ATP11C: variants seen among roughly 807,000 people sequenced by gnomAD.
The protein encoded by ATP11C is ATPase phospholipid transporting 11C (ATP11C blood group).
Under a neutral mutation model 97.4 loss-of-function variants are expected in ATP11C, and 36 were observed. That is an observed-to-expected ratio of 0.37 (90% CI 0.28 to 0.49). The LOEUF (loss-of-function observed/expected upper bound fraction) is 0.49. ATP11C is among the 20% of genes least tolerant of loss of function. The pLI is 0.98. For missense variants in ATP11C, 730 were observed against 824.6 expected (o/e 0.89, Z 1.40); for synonymous variants, 275 against 290.9 (o/e 0.95, Z 0.56).
intron 3 of ATP11C, among the ~76,000 whole-genome samples, chrX:139,818,667 T>C (rs1464012104): frequency 8.9e-6 from 1 of 112,066 alleles, no homozygotes; most frequent in Non-Finnish European, 1.9e-5. Flanking sequence ...GCACTTAACA[T>C]CAACAGGGCA....
At chrX:139,908,529 T>C (rs1158562958) in intron 1 of ATP11C, among the ~76,000 whole-genome samples, 2 of 112,401 alleles carry the variant, frequency 1.8e-5, no homozygotes, top group East Asian at 5.5e-4. Flanking sequence ...ATATAGTGCC[T>C]AGCTGGTTAT....
intron 26 of ATP11C, among the ~76,000 whole-genome samples, chrX:139,742,991 C>A (rs1046961387): frequency 7.5e-5 from 8 of 106,740 alleles, no homozygotes; most frequent in Non-Finnish European, 1.3e-4. Flanking sequence ...CCACCTTGGT[C>A]TCCCAAAGTG....
intron 11 of ATP11C, 35 bp from the exon 12 acceptor site, chrX:139,796,505 A>C: frequency 3.3e-6 from 3 of 915,945 alleles, no homozygotes; most frequent in Non-Finnish European, 4.7e-6. Flanking sequence ...CTAATTAGAC[A>C]TACAATTTCA....
chrX:139,732,585 CCA>C, intron 28 of ATP11C: 10 of 158,549 alleles, frequency 6.3e-5, no homozygotes, highest in South Asian at 9.7e-5. Flanking sequence ...AATGCAGAAA[CCA>C]AAAAAAAAAA....
chrX:139,860,104 C>CAAA (rs1245214221), intron 1 of ATP11C, among the ~76,000 whole-genome samples: 16 of 20,319 alleles, frequency 7.9e-4, no homozygotes, highest in Admixed American at 2.1e-3. Flanking sequence ...GACTCCGTCT[C>CAAA]AAAAAAAAAA....
At chrX:139,790,052 T>A (rs1412411057) in intron 12 of ATP11C, among the ~76,000 whole-genome samples, 2 of 109,635 alleles carry the variant, frequency 1.8e-5, no homozygotes, top group Non-Finnish European at 3.8e-5. Flanking sequence ...AAAAAGTGAC[T>A]ATTTTATCAA....
At chrX:139,851,880 G>C (rs977229051) in intron 1 of ATP11C, among the ~76,000 whole-genome samples, 1 of 112,111 alleles carries the variant, frequency 8.9e-6, no homozygotes, top group African/African-American at 3.2e-5. Flanking sequence ...TCTAACCTAT[G>C]CTATTTTGAT....
intron 20 of ATP11C, among the ~76,000 whole-genome samples, chrX:139,766,827 C>T (rs2082148251): frequency 8.9e-6 from 1 of 111,762 alleles, no homozygotes; most frequent in African/African-American, 3.3e-5. Flanking sequence ...GCAATTTGGA[C>T]TGGAGGAGCT....
rs768258707 is a variant in ATP11C at position 139,774,766 on chromosome X, G to T, written c.2140C>A (p.Arg714=). 2.5e-6 allele frequency: 3 copies of T among 1,210,331 alleles called. No homozygotes were observed. The South Asian group carries it at 5.3e-5, about 21-fold the overall frequency. ...TIEESERKED[R]LHELLIEYRK... is the part of the protein sequence containing the mutation. ...TATTCTATCAATAATTCATGTAATC[G>T]ATCTTCTTTCCTTTCACTTTCTTCA... The change falls in exon 19 of 30, where the codon CGA becomes AGA. Residue 714 remains arginine, a synonymous_variant. Coordinates refer to ENST00000682941, the MANE Select transcript of ATP11C (RefSeq NM_001353812.2).
At chrX:139,790,866 C>A in intron 12 of ATP11C, among the ~76,000 whole-genome samples, 1 of 111,077 alleles carries the variant, frequency 9.0e-6, no homozygotes, top group Non-Finnish European at 1.9e-5. Flanking sequence ...AAAATATAAG[C>A]CAAGAAATAA....
intron 1 of ATP11C, among the ~76,000 whole-genome samples, chrX:139,900,367 C>CAAA (rs34007097): frequency 1.1e-3 from 41 of 36,683 alleles, no homozygotes; most frequent in Admixed American, 1.8e-3. Flanking sequence ...GACTCCGTCT[C>CAAA]AAAAAAAAAA....
intron 16 of ATP11C, among the ~76,000 whole-genome samples, chrX:139,783,830 G>A: frequency 9.2e-6 from 1 of 108,306 alleles, no homozygotes; most frequent in East Asian, 2.9e-4. Flanking sequence ...CTATAATCTT[G>A]CCACTCCAGC....
chrX:139,912,614 C>A (rs1055880910), intron 1 of ATP11C, among the ~76,000 whole-genome samples: 6 of 111,401 alleles, frequency 5.4e-5, no homozygotes, highest in African/African-American at 2.0e-4. Context: ...AAAACTTCCA[C>A]AATGTGAGGT....
At chrX:139,744,674 G>A (rs1441929426) in intron 25 of ATP11C, among the ~76,000 whole-genome samples, 1 of 111,944 alleles carries the variant, frequency 8.9e-6, no homozygotes, top group Non-Finnish European at 1.9e-5. Context: ...TCTTCTTACT[G>A]ATGGGCAAAA....
intron 1 of ATP11C, among the ~76,000 whole-genome samples, chrX:139,922,589 G>GGATT (rs1182940748): frequency 9.3e-6 from 1 of 108,105 alleles, no homozygotes; most frequent in Non-Finnish European, 1.9e-5. Flanking sequence ...CTCATAAATG[G>GGATT]GATTAGTGCC....
In ATP11C at chrX:139,794,838, T is replaced by C. The variant is rs763541428; in HGVS notation, c.1206+1435A>G. On this transcript the variant is annotated intron_variant, in intron 12 of 29. Transcript: ENST00000682941. The stretch of plus-strand genomic sequence containing the variant: ...GGAATGATGGCTATTCTATTTGTAA[T>C]AGTAGTTGAGGCTAGCCCCAAGCTA... Among the ~76,000 whole-genome samples, 3 of 111,879 alleles carry C rather than the reference T, an allele frequency of 2.7e-5. No homozygotes were observed. In the East Asian group the frequency reaches 8.4e-4, roughly 31 times the overall value.
At chrX:139,906,329 A>T (rs1028087777) in intron 1 of ATP11C, among the ~76,000 whole-genome samples, 11 of 108,930 alleles carry the variant, frequency 1.0e-4, no homozygotes, top group African/African-American at 3.7e-4. Context: ...AGGTGGGAGA[A>T]TCGCTTGAGC....
intron 3 of ATP11C, among the ~76,000 whole-genome samples, chrX:139,818,928 A>T (rs1362589490): frequency 8.9e-6 from 1 of 112,159 alleles, no homozygotes; most frequent in Non-Finnish European, 1.9e-5. Context: ...AATGAGAGAG[A>T]GCAAAAATGG....
At position 139,873,847 on chromosome X, in the gene ATP11C, T is replaced by A. The variant is rs1176163985; in HGVS notation, c.28-47024A>T. On this transcript the variant is annotated intron_variant, in intron 1 of 29. Transcript: ENST00000682941. ...AAAAGTTGATTGGCTCCAAAGACAG[T>A]GCAGTGTAGCAGTTAAAGTGCAGCC... Among the ~76,000 whole-genome samples the A allele has an allele frequency of 2.8e-5, 3 of 107,358 alleles. No individual in the cohort carries two copies. In the Admixed American group the frequency reaches 3.1e-4, roughly 11 times the overall value. The allele number at this position is 107,358 out of a possible 115,157, so 93.2% of individuals were successfully genotyped here.
Sources: allele counts gnomAD v4.1 joint callset (sites outside exome capture counted in the v4.1 genomes callset), GRCh38; gene constraint gnomAD v4.1.1; transcripts MANE v1.5; gene names NCBI Gene and HGNC (gene_info 2026-07-23, HGNC 2026-07-21).